HLTF: variants seen among roughly 807,000 people sequenced by gnomAD.
HLTF encodes helicase like transcription factor, also known as DNA-dependent ATPase/E3 ubiquitin-protein ligase HLTF.
HLTF carries 127 observed loss-of-function variants against 129.4 expected under a neutral mutation model. That is an observed-to-expected ratio of 0.98 (90% confidence interval 0.85 to 1.14). HLTF has a LOEUF of 1.14. HLTF is among the 50% of genes most tolerant of loss of function. HLTF has a pLI of 0.00. For synonymous variants in HLTF, 332 were observed against 388.8 expected (o/e 0.85, Z 1.72); for missense variants, 1,139 against 1,187.1 (o/e 0.96, Z 0.60).
At chr3:149,040,198 G>C in intron 20 of HLTF, 42 bp from the exon 21 acceptor site, 1 of 1,560,098 alleles carries the variant, frequency 6.4e-7, no homozygotes, top group East Asian at 2.3e-5. Context: ...CTTAACAGAA[G>C]AACAAATATA....
intron 15 of HLTF, 82 bp downstream of exon 15, chr3:149,050,150 A>T: frequency 1.3e-6 from 1 of 797,748 alleles, no homozygotes. Context: ...ATAAAGCCTG[A>T]ATTTTGGAAC....
intron 8 of HLTF, among the ~76,000 whole-genome samples, chr3:149,066,529 AT>A (rs775984967): frequency 0.025 from 3,556 of 142,862 alleles, 95 homozygotes; most frequent in African/African-American, 0.073. Context: ...AAGAGTGACA[AT>A]TTTTTTTTTT....
chr3:149,066,462 G>C (rs934943798), intron 8 of HLTF, among the ~76,000 whole-genome samples: 1 of 151,738 alleles, frequency 6.6e-6, no homozygotes, highest in Non-Finnish European at 1.5e-5. Context: ...TAGAATCTAG[G>C]GGAATTTAAA....
chr3:149,074,684 T>C (rs17786103), intron 3 of HLTF, among the ~76,000 whole-genome samples: 4,031 of 152,254 alleles, frequency 0.026, 66 homozygotes, highest in South Asian at 0.052. Flanking sequence ...CTGAGGGTAG[T>C]AACTCATTCT....
At chr3:149,076,363 T>C (rs552871817) in intron 2 of HLTF, among the ~76,000 whole-genome samples, 5 of 152,216 alleles carry the variant, frequency 3.3e-5, no homozygotes, top group Admixed American at 6.5e-5. Flanking sequence ...CCAACCCTTA[T>C]TGAGCGCTTA....
chr3:149,063,404 T>C, intron 10 of HLTF, 27 bp downstream of exon 10: 1 of 1,354,322 alleles, frequency 7.4e-7, no homozygotes. Flanking sequence ...AATAAACATA[T>C]GACATAATCA....
intron 23 of HLTF, among the ~76,000 whole-genome samples, chr3:149,036,151 C>T (rs960166009): frequency 6.0e-5 from 9 of 150,970 alleles, no homozygotes; most frequent in African/African-American, 1.9e-4. Flanking sequence ...AAACAAAAAA[C>T]AAAAAACACA....
At chr3:149,061,825 A>C (rs914575939) in intron 10 of HLTF, among the ~76,000 whole-genome samples, 5 of 151,390 alleles carry the variant, frequency 3.3e-5, no homozygotes, top group Non-Finnish European at 5.9e-5. Context: ...GACAGGAGCA[A>C]AACTCTGTCT....
At chr3:149,068,415 G>C (rs1340064244) in intron 7 of HLTF, 80 bp from the exon 8 acceptor site, 4 of 646,982 alleles carry the variant, frequency 6.2e-6, no homozygotes, top group Non-Finnish European at 1.1e-5. Flanking sequence ...TTAAAATCAA[G>C]TAATCGAATA....
rs760061545 is a variant in HLTF, at chr3:149,055,359, C to G, written c.1417G>C (p.Glu473Gln). The change falls in exon 14 of 25, where the codon GAG (glutamate) becomes CAG (glutamine). Residue 473 changes from glutamate (E) to glutamine (Q), a missense_variant. Transcript: ENST00000310053. ...VEGSKKTDVEERPRTTLIICP... is the reference protein window; with the variant it reads ...VEGSKKTDVEQRPRTTLIICP... ...ATGATCAGTGTTGTTCTTGGTCTCT[C>G]CTCAACATCAGTTTTCTTTGACCCC... The G allele has an allele frequency of 3.1e-6, 5 of 1,613,944 alleles. No individual in the cohort carries two copies. Among genetic ancestry groups the G allele is most frequent in the Non-Finnish European group, 4.2e-6 (5 of 1,179,906 alleles).
chr3:149,046,171 G>C lies in HLTF; in HGVS notation c.1981C>G (p.Arg661Gly). 6.2e-7 allele frequency: 1 copy of C among 1,607,302 alleles called. No individual in the cohort carries two copies. The highest frequency in any genetic ancestry group is 1.3e-5 in the African/African-American group (1 of 74,682). Residue 661 changes from arginine to glycine, a missense_variant, in exon 18 of 25, where the codon CGT (arginine) becomes GGT (glycine). Transcript: ENST00000310053. ...KGKPVLELPE[R>G]KVFIQHITLS... Reference sequence around the variant, plus strand: ...GTAATGTGCTGAATAAATACTTTACGTTCTGGTAACTCCAAAACAGGTTTT... The same window carrying C: ...GTAATGTGCTGAATAAATACTTTACCTTCTGGTAACTCCAAAACAGGTTTT...
At chr3:149,045,972 T>A in intron 18 of HLTF, 108 bp downstream of exon 18, 2 of 736,764 alleles carry the variant, frequency 2.7e-6, no homozygotes, top group Non-Finnish European at 4.4e-6. Flanking sequence ...GCAAATTATC[T>A]TTCAGTATAC....
chr3:149,049,651 T>TATGA (rs1716821962), intron 15 of HLTF, among the ~76,000 whole-genome samples: 1 of 152,230 alleles, frequency 6.6e-6, no homozygotes, highest in African/African-American at 2.4e-5. Flanking sequence ...AATTGCTTCA[T>TATGA]ATACTTACAA....
intron 7 of HLTF, 143 bp from the exon 8 acceptor site, chr3:149,068,478 TATTTC>T (rs1309014350): frequency 4.6e-6 from 2 of 432,154 alleles, no homozygotes; most frequent in African/African-American, 4.1e-5. Flanking sequence ...GAAAAATGAG[TATTTC>T]ATTTAGTTAG....
chr3:149,055,333 G>A lies in HLTF; in HGVS notation c.1443C>T (p.Ile481=), dbSNP rs931404249. 6.2e-7 allele frequency: 1 copy of A among 1,613,578 alleles called. No homozygotes were observed. The highest frequency in any genetic ancestry group is 1.7e-5 in the Admixed American group (1 of 60,026). ...VEERPRTTLI[I]CPLSVLSNWI... is the part of the protein sequence containing the mutation. ...AGTTGCTTAACACAGAAAGCGGACA[G>A]ATGATCAGTGTTGTTCTTGGTCTCT... Residue 481 remains isoleucine (I), a synonymous_variant, in exon 14 of 25, where the codon ATC becomes ATT. Coordinates refer to ENST00000310053, the MANE Select transcript of HLTF (RefSeq NM_003071.4).
intron 9 of HLTF, 92 bp from the exon 10 acceptor site, chr3:149,063,616 G>A (rs1718133085): frequency 2.9e-6 from 2 of 691,334 alleles, no homozygotes; most frequent in Non-Finnish European, 5.0e-6. Context: ...TCTAATTACT[G>A]ATTTTCAGTT....
chr3:149,069,729 G>A (rs887142096), intron 7 of HLTF, among the ~76,000 whole-genome samples: 3 of 152,126 alleles, frequency 2.0e-5, no homozygotes, highest in Non-Finnish European at 4.4e-5. Flanking sequence ...AATCACGACT[G>A]AGTGTCTGAA....
chr3:149,063,591 T>C (rs1482815595), intron 9 of HLTF, 67 bp from the exon 10 acceptor site: 4 of 901,032 alleles, frequency 4.4e-6, no homozygotes, highest in Non-Finnish European at 7.1e-6. Flanking sequence ...ATTATCCCTC[T>C]TAAAACCTTG....
intron 10 of HLTF, among the ~76,000 whole-genome samples, chr3:149,061,900 A>C (rs1717988592): frequency 6.6e-6 from 1 of 152,116 alleles, no homozygotes; most frequent in Non-Finnish European, 1.5e-5. Context: ...AATACTTCTA[A>C]CACAATGAAA....
Sources: allele counts gnomAD v4.1 joint callset (sites outside exome capture counted in the v4.1 genomes callset), GRCh38; gene constraint gnomAD v4.1.1; transcripts MANE v1.5; gene names NCBI Gene and HGNC (gene_info 2026-07-23, HGNC 2026-07-21).